The following OR1R1 variants were observed in gnomAD, a reference collection of about 807,000 sequenced individuals.
The protein encoded by OR1R1 is olfactory receptor family 1 subfamily R member 1.
the OR1R1 span, chr17:3,386,373 G>T: frequency 6.8e-4 from 271 of 398,290 alleles, no homozygotes; most frequent in Middle Eastern, 2.5e-3. Flanking sequence ...TGCGTGCGTC[G>T]TGGGCCGTGA....
the OR1R1 span, chr17:3,386,556 C>T: frequency 2.8e-5 from 11 of 398,434 alleles, no homozygotes; most frequent in African/African-American, 2.3e-4. Flanking sequence ...TGGTGTTGGC[C>T]CCGCTGCTCC....
chr17:3,386,286 C>G, the OR1R1 span: 2 of 398,670 alleles, frequency 5.0e-6, no homozygotes, highest in East Asian at 7.1e-5. Flanking sequence ...CGGCCATGTC[C>G]TACGACCGCC....
the OR1R1 span, chr17:3,386,498 C>T: frequency 1.8e-5 from 7 of 398,352 alleles, no homozygotes; most frequent in East Asian, 1.8e-4. Context: ...TTGGCGACCT[C>T]GGACACGTCC....
the OR1R1 span, chr17:3,386,280 C>G: frequency 2.5e-6 from 1 of 398,614 alleles, no homozygotes; most frequent in Non-Finnish European, 4.4e-6. Flanking sequence ...TCCTGGCGGC[C>G]ATGTCCTACG....
chr17:3,386,038 C>T, the OR1R1 span: 2 of 398,788 alleles, frequency 5.0e-6, no homozygotes, highest in Non-Finnish European at 8.8e-6. Context: ...CATCTATCTG[C>T]TCAACGCCCT....
At chr17:3,386,434 C>T in the OR1R1 span, 1,225 of 398,474 alleles carry the variant, frequency 3.1e-3, 14 homozygotes, top group African/African-American at 0.022. Context: ...GCTCTCCTAC[C>T]CCTACCCCAC....
chr17:3,386,270 T>C, the OR1R1 span: 4 of 398,564 alleles, frequency 1.0e-5, no homozygotes, highest in African/African-American at 2.1e-5. Flanking sequence ...GAGAGCTACC[T>C]CCTGGCGGCC....
At chr17:3,386,171 T>A in the OR1R1 span, 1 of 398,760 alleles carries the variant, frequency 2.5e-6, no homozygotes, top group Admixed American at 4.4e-5. Context: ...GTCCCCAGGC[T>A]GCTGGCCGGC....
At chr17:3,386,321 G>A in the OR1R1 span, 1 of 398,294 alleles carries the variant, frequency 2.5e-6, no homozygotes, top group Non-Finnish European at 4.4e-6. Flanking sequence ...CGGCCCCTGC[G>A]CTACGGCGCG....
chr17:3,386,850 G>A, the OR1R1 span: 1 of 398,504 alleles, frequency 2.5e-6, no homozygotes, highest in African/African-American at 2.1e-5. Flanking sequence ...GGCTCAGATG[G>A]AGGGCTGCAC....
chr17:3,386,746 C>T, the OR1R1 span: 1 of 398,568 alleles, frequency 2.5e-6, no homozygotes, highest in Non-Finnish European at 4.4e-6. Context: ...CTACGACCGC[C>T]TGGCCAGCGT....
the OR1R1 span, chr17:3,386,290 G>A: frequency 1.8e-5 from 7 of 398,212 alleles, no homozygotes; most frequent in East Asian, 3.6e-5. Context: ...CATGTCCTAC[G>A]ACCGCCCGAC....
the OR1R1 span, chr17:3,386,620 G>C: frequency 6.0e-3 from 2,395 of 398,682 alleles, 39 homozygotes; most frequent in African/African-American, 0.043. Flanking sequence ...GCTTGCCGGC[G>C]GCCGGCGCCG....
the OR1R1 span, chr17:3,386,402 T>C: frequency 5.0e-6 from 2 of 398,370 alleles, no homozygotes; most frequent in Non-Finnish European, 8.9e-6. Context: ...CACTCGCTGC[T>C]GCACACGCTG....
the OR1R1 span, chr17:3,386,126 T>C: frequency 2.5e-6 from 1 of 398,914 alleles, no homozygotes; most frequent in Non-Finnish European, 4.4e-6. Flanking sequence ...TTGGGTCACC[T>C]GAGCCTCGTG....
the OR1R1 span, chr17:3,386,581 C>G: frequency 2.5e-6 from 1 of 398,352 alleles, no homozygotes; most frequent in African/African-American, 2.1e-5. Flanking sequence ...GTTCCTTTTC[C>G]TACGCGCGCA....
At chr17:3,386,253 C>T in the OR1R1 span, 15 of 398,626 alleles carry the variant, frequency 3.8e-5, no homozygotes, top group African/African-American at 2.1e-4. Flanking sequence ...TGGCTCTGGG[C>T]ATCACCGAGA....
At chr17:3,385,938 G>A in the OR1R1 span, 3 of 398,418 alleles carry the variant, frequency 7.5e-6, no homozygotes, top group Admixed American at 1.3e-4. Context: ...CCATGGCTCC[G>A]ACCAACCTCA....
At chr17:3,386,447 C>G in the OR1R1 span, 1 of 398,340 alleles carries the variant, frequency 2.5e-6, no homozygotes, top group Non-Finnish European at 4.4e-6. Flanking sequence ...TACCCCACCC[C>G]CGTGCGCCCC....
Sources: gnomAD v4.1 joint callset for allele counts on GRCh38, gnomAD v4.1.1 for gene constraint, MANE v1.5 for transcripts, NCBI Gene and HGNC (gene_info 2026-07-23, HGNC 2026-07-21) for gene names.